The following PIR variants were observed in gnomAD, a reference collection of about 807,000 sequenced individuals.
PIR encodes the protein pirin (iron-binding nuclear protein).
Under a neutral mutation model 24.2 loss-of-function variants are expected in PIR, and 22 were observed. That is an observed-to-expected ratio of 0.91 (90% CI 0.65 to 1.30). PIR has a LOEUF of 1.30. PIR is among the 50% of genes most tolerant of loss of function. PIR has a pLI of 0.00. For synonymous variants in PIR, 80 were observed against 79.6 expected (o/e 1.00, Z -0.03); for missense variants, 220 against 220.3 (o/e 1.00, Z 0.01).
chrX:15,421,769 G>A (rs1256086885), intron 6 of PIR, among the ~76,000 whole-genome samples: 1 of 110,934 alleles, frequency 9.0e-6, no homozygotes, highest in Non-Finnish European at 1.9e-5. Flanking sequence ...CTGAAGAGGA[G>A]GGAGTACTTC....
chrX:15,398,101 G>GT (rs1288010624), intron 7 of PIR, among the ~76,000 whole-genome samples: 1 of 82,294 alleles, frequency 1.2e-5, no homozygotes. Flanking sequence ...AGACCCTTGG[G>GT]TGGGGGTAGG....
intron 7 of PIR, among the ~76,000 whole-genome samples, chrX:15,405,257 T>C (rs1924518085): frequency 8.9e-6 from 1 of 112,278 alleles, no homozygotes; most frequent in South Asian, 3.7e-4. Flanking sequence ...AGAAAAATTT[T>C]CACTATTATA....
intron 6 of PIR, among the ~76,000 whole-genome samples, chrX:15,408,147 C>A (rs372603395): frequency 9.0e-6 from 1 of 111,058 alleles, no homozygotes; most frequent in East Asian, 2.8e-4. Flanking sequence ...AGTAGAGATG[C>A]GGTTTCACCA....
chrX:15,416,399 G>A (rs1924917885), intron 6 of PIR, among the ~76,000 whole-genome samples: 1 of 111,828 alleles, frequency 8.9e-6, no homozygotes, highest in Non-Finnish European at 1.9e-5. Context: ...AAACAGGCAA[G>A]AAGCCTGTGG....
intron 7 of PIR, among the ~76,000 whole-genome samples, chrX:15,406,160 G>A (rs1197924394): frequency 1.8e-5 from 2 of 112,101 alleles, no homozygotes; most frequent in African/African-American, 6.5e-5. Context: ...TCTCAGAAAT[G>A]GGGATTCTTG....
At chrX:15,487,320 T>C (rs1331238940) in intron 2 of PIR, among the ~76,000 whole-genome samples, 2 of 95,652 alleles carry the variant, frequency 2.1e-5, no homozygotes, top group Non-Finnish European at 2.1e-5. Flanking sequence ...TTTGTAAGTA[T>C]GATAATGAGA....
At chrX:15,425,874 A>G in intron 6 of PIR, 32 bp downstream of exon 6, 1 of 822,336 alleles carries the variant, frequency 1.2e-6, no homozygotes, top group Non-Finnish European at 1.8e-6. Context: ...TTTTTTCCTG[A>G]CGTGACTACT....
At chrX:15,422,317 A>G (rs60497357) in intron 6 of PIR, among the ~76,000 whole-genome samples, 4,088 of 100,351 alleles carry the variant, frequency 0.041, 213 homozygotes, top group African/African-American at 0.14. Flanking sequence ...TCTTGGCCAG[A>G]GCAACTAGGC....
intron 5 of PIR, among the ~76,000 whole-genome samples, chrX:15,442,022 CA>C (rs1925931678): frequency 9.0e-6 from 1 of 110,876 alleles, no homozygotes; most frequent in Non-Finnish European, 1.9e-5. Context: ...GACGTACAGG[CA>C]TACCTTGTTT....
intron 5 of PIR, among the ~76,000 whole-genome samples, chrX:15,431,892 C>T (rs991342331): frequency 9.1e-6 from 1 of 110,431 alleles, no homozygotes; most frequent in African/African-American, 3.3e-5. Context: ...TTGGTAACTA[C>T]CTTTAAAAAG....
intron 5 of PIR, among the ~76,000 whole-genome samples, chrX:15,431,454 G>A (rs1292356455): frequency 9.0e-6 from 1 of 111,548 alleles, no homozygotes; most frequent in African/African-American, 3.3e-5. Context: ...TCTACTGCTA[G>A]TCACTGCTTT....
chrX:15,393,297 C>T (rs56142538), intron 8 of PIR, among the ~76,000 whole-genome samples: 2,954 of 112,079 alleles, frequency 0.026, 41 homozygotes, highest in Non-Finnish European at 0.04. Flanking sequence ...TCGAGTTCTG[C>T]TGATACCAAC....
At chrX:15,473,335 T>C (rs191878028) in intron 3 of PIR, among the ~76,000 whole-genome samples, 1 of 111,005 alleles carries the variant, frequency 9.0e-6, no homozygotes, top group African/African-American at 3.3e-5. Flanking sequence ...AGCCCCCCCA[T>C]AGCAAAGAAT....
chrX:15,450,446 G>A (rs898284970), intron 5 of PIR, among the ~76,000 whole-genome samples: 3 of 110,762 alleles, frequency 2.7e-5, no homozygotes, highest in African/African-American at 6.6e-5. Context: ...AAGTGTGCGC[G>A]TATATGTTAC....
chrX:15,398,604 C>G (rs746213457), intron 7 of PIR, among the ~76,000 whole-genome samples: 1 of 109,111 alleles, frequency 9.2e-6, no homozygotes, highest in South Asian at 4.0e-4. Flanking sequence ...AAGCTGTCTT[C>G]AGATCAGGGA....
intron 5 of PIR, among the ~76,000 whole-genome samples, chrX:15,426,580 A>G (rs994924169): frequency 4.5e-4 from 50 of 112,193 alleles, no homozygotes; most frequent in African/African-American, 6.5e-5. Context: ...TTCTAATTTA[A>G]TATAATACCA....
At chrX:15,491,090 C>T in intron 2 of PIR, 72 bp downstream of exon 2, 1 of 749,413 alleles carries the variant, frequency 1.3e-6, no homozygotes, top group Non-Finnish European at 2.0e-6. Context: ...CCCCCTCTTC[C>T]CAAAATCACC....
At chrX:15,469,891 A>T (rs1602290615) in intron 3 of PIR, among the ~76,000 whole-genome samples, 1 of 111,596 alleles carries the variant, frequency 9.0e-6, no homozygotes, top group East Asian at 2.8e-4. Flanking sequence ...GAAAATTCAG[A>T]TCCCTGGACC....
intron 2 of PIR, among the ~76,000 whole-genome samples, chrX:15,487,142 G>A (rs1922878439): frequency 8.9e-6 from 1 of 111,857 alleles, no homozygotes; most frequent in Non-Finnish European, 1.9e-5. Context: ...ATCCTAGACT[G>A]AGATCTAGAT....
Sources: gnomAD v4.1 joint callset for allele counts (sites outside exome capture counted in the v4.1 genomes callset) on GRCh38, gnomAD v4.1.1 for gene constraint, MANE v1.5 for transcripts, NCBI Gene and HGNC (gene_info 2026-07-23, HGNC 2026-07-21) for gene names.